Variants in GAB1 observed in about 807,000 individuals in gnomAD.
GAB1 encodes GRB2-associated-binding protein 1.
A neutral mutation model predicts 66.5 loss-of-function variants in GAB1; 19 were observed. The observed-to-expected ratio is 0.29, with a 90% confidence interval of 0.20 to 0.42. The LOEUF (loss-of-function observed/expected upper bound fraction) is 0.42, where lower values mean the gene tolerates loss of function less well. Among genes scored for constraint, GAB1 ranks in the 10% least tolerant of loss-of-function variants. The pLI, the probability that GAB1 is intolerant of heterozygous loss-of-function variation, is 1.00. For synonymous variants in GAB1, 294 were observed against 301.4 expected (o/e 0.98, Z 0.25); for missense variants, 732 against 858.5 (o/e 0.85, Z 1.84).
chr4:143,438,944 A>G (rs6847821), intron 4 of GAB1, among the ~76,000 whole-genome samples: 6,210 of 151,998 alleles, frequency 0.041, 410 homozygotes, highest in African/African-American at 0.14. Flanking sequence ...TCCGAGTCAT[A>G]CCCTTTCCTG....
In GAB1 at chr4:143,473,673, TA is replaced by T; in HGVS notation, c.*4485del. 1 of 152,364 alleles carries T rather than the reference TA, an allele frequency of 6.6e-6. No homozygotes were observed. The highest frequency in any genetic ancestry group is 1.5e-5 in the Non-Finnish European group (1 of 68,044). 9.4% of individuals were successfully genotyped at this position (152,364 alleles called of 1,614,324 possible). On this transcript the variant is annotated 3_prime_UTR_variant, in exon 10 of 10. Coordinates refer to ENST00000262994, the MANE Select transcript of GAB1 (RefSeq NM_002039.4). Reference sequence around the variant, plus strand: ...ACCTTTATCTTCAGAAACTAGGTTTTATATGTAAAATGTGACTTGGGAAATG... The same window carrying T: ...ACCTTTATCTTCAGAAACTAGGTTTTTATGTAAAATGTGACTTGGGAAATG...
At chr4:143,409,010 A>G (rs990046927) in intron 1 of GAB1, among the ~76,000 whole-genome samples, 1 of 152,178 alleles carries the variant, frequency 6.6e-6, no homozygotes, top group Non-Finnish European at 1.5e-5. Flanking sequence ...TTAGGGCTTA[A>G]CAACTACCAA....
chr4:143,366,773 GAAATTTTCAATTTGA>G (rs1303962153), intron 1 of GAB1, among the ~76,000 whole-genome samples: 8 of 152,090 alleles, frequency 5.3e-5, no homozygotes, highest in East Asian at 3.9e-4. Flanking sequence ...GTCCAGGCTA[GAAATTTTCAATTTGA>G]AAATTTTCAA....
chr4:143,403,946 A>G (rs1461430502), intron 1 of GAB1, among the ~76,000 whole-genome samples: 3 of 152,216 alleles, frequency 2.0e-5, no homozygotes, highest in Non-Finnish European at 4.4e-5. Flanking sequence ...TTGGCTTTTT[A>G]CATATAAATC....
At chr4:143,439,749 C>T in intron 4 of GAB1, 53 bp from the exon 5 acceptor site, 2 of 1,278,272 alleles carry the variant, frequency 1.6e-6, no homozygotes, top group South Asian at 1.2e-5. Flanking sequence ...CCCAATGACC[C>T]TGAGAGCTGG....
intron 1 of GAB1, among the ~76,000 whole-genome samples, chr4:143,364,858 C>T (rs1399974409): frequency 6.6e-6 from 1 of 150,654 alleles, no homozygotes; most frequent in Non-Finnish European, 1.5e-5. Flanking sequence ...TAAAGCTCTC[C>T]CTGCATCTAC....
chr4:143,402,390 A>G (rs1731823569), intron 1 of GAB1, among the ~76,000 whole-genome samples: 4 of 152,178 alleles, frequency 2.6e-5, no homozygotes, highest in Admixed American at 2.6e-4. Context: ...ACCCTTCTGT[A>G]CCAGCTGGGA....
chr4:143,384,020 C>T (rs1305683110), intron 1 of GAB1, among the ~76,000 whole-genome samples: 2 of 152,184 alleles, frequency 1.3e-5, no homozygotes, highest in South Asian at 4.2e-4. Context: ...CTGCAGTGAG[C>T]TATGGTCGCA....
chr4:143,353,821 G>A (rs1729329031), intron 1 of GAB1, among the ~76,000 whole-genome samples: 1 of 152,242 alleles, frequency 6.6e-6, no homozygotes, highest in Non-Finnish European at 1.5e-5. Flanking sequence ...AACCCAGGTT[G>A]TACTTTAGAA....
At chr4:143,342,809 C>T (rs955724554) in intron 1 of GAB1, among the ~76,000 whole-genome samples, 3 of 151,636 alleles carry the variant, frequency 2.0e-5, no homozygotes, top group East Asian at 1.9e-4. Context: ...GTGATCCGCC[C>T]GCCTCAGCCT....
At chr4:143,393,661 G>A (rs761877605) in intron 1 of GAB1, among the ~76,000 whole-genome samples, 1 of 152,154 alleles carries the variant, frequency 6.6e-6, no homozygotes, top group Non-Finnish European at 1.5e-5. Flanking sequence ...TTCCAGTGGT[G>A]AGTGTCCGCA....
At chr4:143,354,846 T>G (rs193118659) in intron 1 of GAB1, among the ~76,000 whole-genome samples, 76 of 152,356 alleles carry the variant, frequency 5.0e-4, no homozygotes, top group Admixed American at 9.2e-4. Context: ...TATAGTAGCT[T>G]TTATGCACAA....
chr4:143,376,542 T>C (rs977458785), intron 1 of GAB1, among the ~76,000 whole-genome samples: 1 of 152,232 alleles, frequency 6.6e-6, no homozygotes, highest in African/African-American at 2.4e-5. Context: ...GTAATGATAA[T>C]TGGCCTTTTT....
At chr4:143,350,507 G>T (rs1299369903) in intron 1 of GAB1, among the ~76,000 whole-genome samples, 2 of 151,866 alleles carry the variant, frequency 1.3e-5, no homozygotes, top group African/African-American at 2.4e-5. Context: ...GTAAAACCCC[G>T]TCTATACTAA....
chr4:143,384,584 C>T (rs565873413), intron 1 of GAB1, among the ~76,000 whole-genome samples: 34 of 152,322 alleles, frequency 2.2e-4, no homozygotes, highest in African/African-American at 6.0e-4. Flanking sequence ...CCAACAGAGA[C>T]AAATGCTACA....
At chr4:143,378,557 C>T (rs1319206639) in intron 1 of GAB1, among the ~76,000 whole-genome samples, 1 of 150,564 alleles carries the variant, frequency 6.6e-6, no homozygotes, top group Non-Finnish European at 1.5e-5. Context: ...ACAATAAATG[C>T]ATGTTATTTT....
At chr4:143,374,456 T>A (rs1267753135) in intron 1 of GAB1, among the ~76,000 whole-genome samples, 1 of 152,238 alleles carries the variant, frequency 6.6e-6, no homozygotes, top group Admixed American at 6.5e-5. Context: ...ATTGTGGGAA[T>A]CTTATACTTT....
intron 1 of GAB1, among the ~76,000 whole-genome samples, chr4:143,403,975 A>G (rs900000340): frequency 1.3e-5 from 2 of 152,234 alleles, no homozygotes; most frequent in African/African-American, 4.8e-5. Context: ...GAAATTTGAA[A>G]TTTGATTTGT....
At chr4:143,381,084 G>T (rs1273043874) in intron 1 of GAB1, among the ~76,000 whole-genome samples, 1 of 152,192 alleles carries the variant, frequency 6.6e-6, no homozygotes, top group East Asian at 1.9e-4. Flanking sequence ...GACTGAGGAG[G>T]CAGGACACTT....
Sources: gnomAD v4.1 joint callset for allele counts (sites outside exome capture counted in the v4.1 genomes callset) on GRCh38, gnomAD v4.1.1 for gene constraint, MANE v1.5 for transcripts, NCBI Gene and HGNC (gene_info 2026-07-23, HGNC 2026-07-21) for gene names.